The following GABBR2 variants were observed in gnomAD, a reference collection of about 807,000 sequenced individuals.
GABBR2 encodes the protein G-protein coupled receptor 51.
GABBR2 carries 23 observed loss-of-function variants against 105.6 expected under a neutral mutation model. That is an observed-to-expected ratio of 0.22 (90% confidence interval 0.16 to 0.31). GABBR2 has a LOEUF of 0.31. Ranked by LOEUF, GABBR2 falls within the 10% of genes least tolerant of loss-of-function variation. GABBR2 has a pLI of 1.00. For missense variants in GABBR2, 734 were observed against 1,245.5 expected, an observed-to-expected ratio of 0.59 and a Z score of 6.18; for synonymous variants, 478 against 499.7, an observed-to-expected ratio of 0.96 and a Z score of 0.58.
chr9:98,460,877 C>G (rs1826413832), intron 6 of GABBR2, among the ~76,000 whole-genome samples: 2 of 152,018 alleles, frequency 1.3e-5, no homozygotes, highest in South Asian at 4.1e-4. Flanking sequence ...AAGACCAAAT[C>G]AAAAACAAAA....
At position 98,321,345 on chromosome 9, in the gene GABBR2, G is replaced by A. The variant is rs544308091; in HGVS notation, c.1894-10140C>T. On this transcript the variant is annotated intron_variant, in intron 13 of 18. Transcript: ENST00000259455. ...GCCCACATTCAGTGATTCCATGGTA[G>A]CAACACTAGACAAGAGCAGACACTC... is the stretch of plus-strand genomic sequence containing the variant. 6.6e-5 allele frequency among the ~76,000 whole-genome samples: 10 copies of A among 152,282 alleles called. No homozygotes were observed. In the East Asian group the frequency reaches 1.9e-3, roughly 29 times the overall value.
intron 4 of GABBR2, among the ~76,000 whole-genome samples, chr9:98,485,448 A>G (rs1197608780): frequency 2.0e-5 from 3 of 151,998 alleles, no homozygotes; most frequent in Non-Finnish European, 4.4e-5. Flanking sequence ...TCCCTCATCT[A>G]GAACCACTTT....
intron 5 of GABBR2, among the ~76,000 whole-genome samples, chr9:98,477,672 T>C (rs182719818): frequency 6.7e-4 from 102 of 152,344 alleles, no homozygotes; most frequent in East Asian, 2.1e-3. Flanking sequence ...GCTGTATACA[T>C]GTAGCCATGA....
chr9:98,627,824 C>G (rs1786118984), intron 1 of GABBR2, among the ~76,000 whole-genome samples: 1 of 152,208 alleles, frequency 6.6e-6, no homozygotes, highest in South Asian at 2.1e-4. Flanking sequence ...TCTAGCGCCT[C>G]TATTTGACCA....
At chr9:98,416,591 C>T (rs189954427) in intron 7 of GABBR2, among the ~76,000 whole-genome samples, 11 of 152,356 alleles carry the variant, frequency 7.2e-5, no homozygotes, top group Non-Finnish European at 1.3e-4. Context: ...CTTCTTTCTG[C>T]GCTTTCAGCA....
chr9:98,351,676 A>G (rs1300744941), intron 13 of GABBR2, among the ~76,000 whole-genome samples: 3 of 152,118 alleles, frequency 2.0e-5, no homozygotes, highest in Non-Finnish European at 4.4e-5. Context: ...TCCTTTCTTA[A>G]TGATATCTAT....
chr9:98,638,234 C>T (rs1829906749), intron 1 of GABBR2, among the ~76,000 whole-genome samples: 1 of 152,188 alleles, frequency 6.6e-6, no homozygotes, highest in Non-Finnish European at 1.5e-5. Context: ...AATACAGTTA[C>T]CCCAAGGTTG....
At chr9:98,636,208 A>C (rs539332634) in intron 1 of GABBR2, among the ~76,000 whole-genome samples, 5 of 152,350 alleles carry the variant, frequency 3.3e-5, no homozygotes, top group African/African-American at 1.2e-4. Context: ...TCAAGTCTCC[A>C]TCAAAGTACC....
chr9:98,396,412 A>G (rs999991708), intron 8 of GABBR2, among the ~76,000 whole-genome samples: 1 of 152,180 alleles, frequency 6.6e-6, no homozygotes, highest in Admixed American at 6.5e-5. Context: ...ACATTCAGAA[A>G]ACAGAACAGG....
intron 1 of GABBR2, among the ~76,000 whole-genome samples, chr9:98,663,686 C>T (rs1178374324): frequency 6.6e-6 from 1 of 151,822 alleles, no homozygotes; most frequent in Non-Finnish European, 1.5e-5. Flanking sequence ...ATTATGATCC[C>T]TTGCCCAGTT....
intron 1 of GABBR2, among the ~76,000 whole-genome samples, chr9:98,585,522 A>G (rs1829059227): frequency 1.3e-5 from 2 of 150,868 alleles, no homozygotes; most frequent in South Asian, 2.1e-4. Flanking sequence ...GGATAGCATT[A>G]GGAGATATAC....
At chr9:98,674,709 G>A (rs1830453142) in intron 1 of GABBR2, among the ~76,000 whole-genome samples, 1 of 152,136 alleles carries the variant, frequency 6.6e-6, no homozygotes. Context: ...CAGCATGGTG[G>A]GGCCAAACTG....
At chr9:98,430,478 C>T (rs1486596676) in intron 7 of GABBR2, among the ~76,000 whole-genome samples, 1 of 152,032 alleles carries the variant, frequency 6.6e-6, no homozygotes, top group Non-Finnish European at 1.5e-5. Flanking sequence ...TGAGTATTCT[C>T]CTTGTGATTT....
intron 10 of GABBR2, 76 bp from the exon 11 acceptor site, chr9:98,385,848 C>T (rs1208134133): frequency 8.6e-7 from 1 of 1,168,446 alleles, no homozygotes; most frequent in Non-Finnish European, 1.3e-6. Flanking sequence ...TTTCTAAACG[C>T]CTGCTAGATA....
chr9:98,528,500 C>T (rs1828004766), intron 3 of GABBR2, among the ~76,000 whole-genome samples: 1 of 151,926 alleles, frequency 6.6e-6, no homozygotes, highest in Non-Finnish European at 1.5e-5. Flanking sequence ...TTCAATAGAT[C>T]AACTAATATC....
At chr9:98,305,130 T>C (rs1830531158) in intron 15 of GABBR2, among the ~76,000 whole-genome samples, 1 of 152,108 alleles carries the variant, frequency 6.6e-6, no homozygotes, top group Admixed American at 6.5e-5. Context: ...CAGATCACCC[T>C]ACTGCAGGGA....
intron 1 of GABBR2, among the ~76,000 whole-genome samples, chr9:98,596,895 G>T (rs565087745): frequency 8.5e-5 from 13 of 152,182 alleles, no homozygotes; most frequent in Admixed American, 6.5e-5. Flanking sequence ...CATGGGAATT[G>T]GCAGCTCCCC....
chr9:98,433,991 G>A (rs1044521885), intron 7 of GABBR2, among the ~76,000 whole-genome samples: 6 of 152,076 alleles, frequency 3.9e-5, no homozygotes, highest in African/African-American at 1.4e-4. Flanking sequence ...TGTCTGTGAG[G>A]GTGTTACCAA....
chr9:98,608,272 T>C, intron 1 of GABBR2: 1 of 562,786 alleles, frequency 1.8e-6, no homozygotes. Flanking sequence ...ATTATTTTTG[T>C]TGTTGTTGTT....
Sources: allele counts gnomAD v4.1 joint callset (sites outside exome capture counted in the v4.1 genomes callset), GRCh38; gene constraint gnomAD v4.1.1; transcripts MANE v1.5; gene names NCBI Gene and HGNC (gene_info 2026-07-23, HGNC 2026-07-21).